MAGI1: variants seen among roughly 807,000 people sequenced by gnomAD.
MAGI1 encodes membrane associated guanylate kinase, WW and PDZ domain containing 1, also known as membrane-associated guanylate kinase, WW and PDZ domain-containing protein 1.
A neutral mutation model predicts 139.9 loss-of-function variants in MAGI1; 58 were observed. The ratio of observed to expected loss-of-function variants is 0.41; its 90% CI spans 0.34 to 0.52. MAGI1 has a LOEUF of 0.52. Ranked by LOEUF, MAGI1 falls within the 20% of genes least tolerant of loss-of-function variation. The pLI is 0.12. For synonymous variants in MAGI1, 812 were observed against 737.9 expected (o/e 1.10, Z -1.63); for missense variants, 1,874 against 1,901.6 (o/e 0.99, Z 0.27).
chr3:65,370,450 C>G (rs757083281), intron 18 of MAGI1, among the ~76,000 whole-genome samples: 6 of 152,162 alleles, frequency 3.9e-5, no homozygotes, highest in Non-Finnish European at 7.3e-5. Flanking sequence ...AATATCAATC[C>G]TCAACTATGT....
chr3:65,748,011 A>G (rs1293492810), intron 1 of MAGI1, among the ~76,000 whole-genome samples: 1 of 152,120 alleles, frequency 6.6e-6, no homozygotes. Flanking sequence ...CACAGTTTTT[A>G]AAAAGATATT....
chr3:65,783,727 G>A (rs1042097153), intron 1 of MAGI1, among the ~76,000 whole-genome samples: 11 of 146,892 alleles, frequency 7.5e-5, no homozygotes, highest in Admixed American at 4.2e-4. Context: ...CAAACTCCAC[G>A]GCTCAAGCAA....
chr3:65,374,828 TTAAC>T (rs1364595626), intron 18 of MAGI1, among the ~76,000 whole-genome samples: 8 of 152,142 alleles, frequency 5.3e-5, no homozygotes, highest in Non-Finnish European at 5.9e-5. Context: ...AGATTTGAAT[TTAAC>T]TAATCACAAA....
intron 21 of MAGI1, 108 bp downstream of exon 21, chr3:65,363,357 G>A: frequency 7.7e-7 from 1 of 1,298,822 alleles, no homozygotes; most frequent in South Asian, 1.6e-5. Flanking sequence ...AATCATGAAA[G>A]CTATAGAAAA....
chr3:65,963,728 A>C (rs2064589092), intron 1 of MAGI1, among the ~76,000 whole-genome samples: 1 of 152,258 alleles, frequency 6.6e-6, no homozygotes, highest in Admixed American at 6.5e-5. Context: ...AACTACTTTA[A>C]CATGCACTAT....
At chr3:65,374,475 G>A (rs1028321802) in intron 18 of MAGI1, among the ~76,000 whole-genome samples, 9 of 152,024 alleles carry the variant, frequency 5.9e-5, no homozygotes, top group South Asian at 2.1e-4. Context: ...GTGCCACCAC[G>A]CTAAGCTAAT....
intron 13 of MAGI1, among the ~76,000 whole-genome samples, chr3:65,393,792 C>T (rs1016552): frequency 0.88 from 133,994 of 152,088 alleles, 59,647 homozygotes; most frequent in Middle Eastern, 0.96. Context: ...TTCACAAAGG[C>T]GTGCACACTG....
intron 1 of MAGI1, among the ~76,000 whole-genome samples, chr3:65,917,738 A>C (rs1246698792): frequency 6.6e-6 from 1 of 152,244 alleles, no homozygotes; most frequent in African/African-American, 2.4e-5. Flanking sequence ...TGGAAAAGGC[A>C]AAACGATGGA....
rs1943021893 is a variant in MAGI1 at position 65,381,171 on chromosome 3, C to T, written c.2701+706G>A. 8.5e-5 allele frequency among the ~76,000 whole-genome samples: 13 copies of T among 152,190 alleles called. No individual in the cohort carries two copies. In the South Asian group the frequency reaches 2.7e-3, roughly 32 times the overall value. On this transcript the variant is annotated intron_variant, in intron 16 of 22. Transcript: ENST00000402939. ...TCAAGGGAAAGGACAAACACTCACA[C>T]AATTCACTGTCTCAAAATGGCAGAT...
chr3:65,552,794 A>C (rs1236224936), intron 2 of MAGI1, among the ~76,000 whole-genome samples: 1 of 152,230 alleles, frequency 6.6e-6, no homozygotes, highest in Non-Finnish European at 1.5e-5. Context: ...TTCATTCCAC[A>C]GCCACTCTTG....
At chr3:65,951,512 G>T (rs2063862751) in intron 1 of MAGI1, among the ~76,000 whole-genome samples, 1 of 152,158 alleles carries the variant, frequency 6.6e-6, no homozygotes, top group Non-Finnish European at 1.5e-5. Flanking sequence ...AAGACAGTAT[G>T]AAAAACACGT....
At chr3:65,364,071 G>C (rs1057190597) in intron 20 of MAGI1, among the ~76,000 whole-genome samples, 1 of 144,922 alleles carries the variant, frequency 6.9e-6, no homozygotes, top group Non-Finnish European at 1.5e-5. Context: ...CTGGGGACTT[G>C]TAATACCAGC....
intron 12 of MAGI1, among the ~76,000 whole-genome samples, chr3:65,415,015 A>C (rs550930285): frequency 0.019 from 1,274 of 68,442 alleles, 25 homozygotes; most frequent in African/African-American, 0.044. Context: ...GGAAAAAAAA[A>C]AAAACAAAAA....
At chr3:65,787,075 T>G (rs1490095116) in intron 1 of MAGI1, among the ~76,000 whole-genome samples, 1 of 152,046 alleles carries the variant, frequency 6.6e-6, no homozygotes, top group African/African-American at 2.4e-5. Context: ...TTTCAAGGGG[T>G]CTGACATCAG....
At chr3:65,950,950 AGAAGAAAGAGAAGGAAG>A in intron 1 of MAGI1, among the ~76,000 whole-genome samples, 1 of 143,214 alleles carries the variant, frequency 7.0e-6, no homozygotes, top group African/African-American at 2.6e-5. Flanking sequence ...ATAGTTGGTG[AGAAGAAAGAGAAGGAAG>A]GAAGGAAGGA....
At chr3:65,470,787 C>T (rs961045047) in intron 4 of MAGI1, among the ~76,000 whole-genome samples, 1 of 152,158 alleles carries the variant, frequency 6.6e-6, no homozygotes, top group Non-Finnish European at 1.5e-5. Flanking sequence ...CAATTCATGA[C>T]TCAAACTCTT....
chr3:65,627,117 C>T (rs568430094), intron 1 of MAGI1, among the ~76,000 whole-genome samples: 2 of 152,276 alleles, frequency 1.3e-5, no homozygotes, highest in East Asian at 3.9e-4. Context: ...TGTACCTTCT[C>T]TATGTTTGCA....
intron 1 of MAGI1, among the ~76,000 whole-genome samples, chr3:65,837,887 G>A (rs899583300): frequency 6.6e-6 from 1 of 152,166 alleles, no homozygotes; most frequent in Non-Finnish European, 1.5e-5. Flanking sequence ...ACCAACCCAT[G>A]AAGGTCTTAT....
At chr3:65,830,905 G>C in intron 1 of MAGI1, among the ~76,000 whole-genome samples, 1 of 152,162 alleles carries the variant, frequency 6.6e-6, no homozygotes, top group East Asian at 1.9e-4. Flanking sequence ...AAACTATGGA[G>C]AGGGTGACAT....
Sources: allele counts gnomAD v4.1 joint callset (sites outside exome capture counted in the v4.1 genomes callset), GRCh38; gene constraint gnomAD v4.1.1; transcripts MANE v1.5; gene names NCBI Gene and HGNC (gene_info 2026-07-23, HGNC 2026-07-21).